PDE6A: variants seen among roughly 807,000 people sequenced by gnomAD.
PDE6A encodes rod cGMP-specific 3',5'-cyclic phosphodiesterase subunit alpha.
In PDE6A, 84 loss-of-function variants were observed where a neutral mutation model predicts 106.3. That is an observed-to-expected ratio of 0.79 (90% CI 0.66 to 0.95). The LOEUF (loss-of-function observed/expected upper bound fraction) is 0.95. PDE6A is among the 40% of genes least tolerant of loss of function. PDE6A has a pLI of 0.00. For missense variants in PDE6A, 1,052 were observed against 1,084.9 expected, an observed-to-expected ratio of 0.97 and a Z score of 0.43; for synonymous variants, 394 against 386.6, an observed-to-expected ratio of 1.02 and a Z score of -0.23.
At chr5:149,926,248 A>C (rs1581205856) in intron 4 of PDE6A, among the ~76,000 whole-genome samples, 1 of 152,332 alleles carries the variant, frequency 6.6e-6, no homozygotes, top group Non-Finnish European at 1.5e-5. Context: ...GTCTTGAAAA[A>C]AAAATTAATT....
intron 3 of PDE6A, chr5:149,932,258 G>A: frequency 7.1e-7 from 1 of 1,418,386 alleles, no homozygotes; most frequent in South Asian, 1.1e-5. Context: ...GTCCATTTTG[G>A]CGAACAGCAG....
chr5:149,927,533 C>T (rs1285559821), intron 4 of PDE6A, among the ~76,000 whole-genome samples: 1 of 152,076 alleles, frequency 6.6e-6, no homozygotes, highest in Non-Finnish European at 1.5e-5. Flanking sequence ...CTACCGCAGC[C>T]TCTTGAGTAG....
rs1203056689 is a variant in PDE6A, at chr5:149,860,342, G to C, written c.*553C>G. ...CGTACAATTCTCTACTTTTGAAAATGATTGAAAATTTTTACAATACATTAA... is the reference window on the plus strand; with the variant it reads ...CGTACAATTCTCTACTTTTGAAAATCATTGAAAATTTTTACAATACATTAA... On this transcript the variant is annotated 3_prime_UTR_variant, in exon 22 of 22. Transcript: ENST00000255266. 2 of 152,372 alleles carry C rather than the reference G, an allele frequency of 1.3e-5. No homozygotes were observed. The highest frequency in any genetic ancestry group is 2.9e-5 in the Non-Finnish European group (2 of 68,154). The allele number at this position is 152,372 out of a possible 1,614,324, so 9.4% of individuals were successfully genotyped here. A position where few individuals can be genotyped will look rare whatever the true frequency, so the allele number is the denominator to read the frequency against.
intron 4 of PDE6A, among the ~76,000 whole-genome samples, chr5:149,923,062 A>G (rs997733321): frequency 6.6e-6 from 1 of 152,226 alleles, no homozygotes; most frequent in Admixed American, 6.5e-5. Flanking sequence ...TGTTATTTCT[A>G]TACTTTACTT....
At chr5:149,907,007 G>A (rs562964633) in intron 7 of PDE6A, among the ~76,000 whole-genome samples, 2 of 152,260 alleles carry the variant, frequency 1.3e-5, no homozygotes, top group South Asian at 4.1e-4. Flanking sequence ...CCTGACCTCA[G>A]GTGATCCACC....
At chr5:149,933,515 A>G (rs1482357391) in intron 3 of PDE6A, among the ~76,000 whole-genome samples, 3 of 152,108 alleles carry the variant, frequency 2.0e-5, no homozygotes, top group Non-Finnish European at 2.9e-5. Flanking sequence ...TTTCCCTTTC[A>G]TTTATCTCAT....
intron 6 of PDE6A, among the ~76,000 whole-genome samples, chr5:149,912,703 T>C (rs1205575835): frequency 3.9e-5 from 6 of 152,158 alleles, no homozygotes; most frequent in Non-Finnish European, 1.5e-5. Context: ...AGTGCACCCA[T>C]ACTGGGATGG....
At chr5:149,874,309 GAC>G (rs1436118621) in intron 17 of PDE6A, among the ~76,000 whole-genome samples, 8 of 152,190 alleles carry the variant, frequency 5.3e-5, no homozygotes, top group African/African-American at 1.7e-4. Context: ...CCTTCTGTCT[GAC>G]TTGGCAACAA....
intron 16 of PDE6A, 70 bp from the exon 17 acceptor site, chr5:149,883,606 G>T: frequency 2.0e-6 from 2 of 1,017,638 alleles, no homozygotes; most frequent in Non-Finnish European, 3.1e-6. Flanking sequence ...TGCTAACATT[G>T]GCTGATTCAG....
intron 1 of PDE6A, among the ~76,000 whole-genome samples, chr5:149,936,731 CAGA>C (rs1561788547): frequency 6.6e-6 from 1 of 152,134 alleles, no homozygotes. Context: ...TTATCAAAGG[CAGA>C]AGGAGACTTA....
chr5:149,927,187 A>C (rs1263815656), intron 4 of PDE6A, among the ~76,000 whole-genome samples: 2 of 152,130 alleles, frequency 1.3e-5, no homozygotes, highest in Admixed American at 1.3e-4. Context: ...AACATAAAAA[A>C]CACAGTAAAA....
intron 17 of PDE6A, among the ~76,000 whole-genome samples, chr5:149,871,777 C>T (rs1463966465): frequency 1.3e-5 from 2 of 152,140 alleles, no homozygotes; most frequent in African/African-American, 4.8e-5. Context: ...TCACAGAAAT[C>T]ACTGTGGCTT....
chr5:149,929,142 C>T (rs72830297), intron 4 of PDE6A, among the ~76,000 whole-genome samples: 3,735 of 152,194 alleles, frequency 0.025, 77 homozygotes, highest in Non-Finnish European at 0.036. Flanking sequence ...AAGGGCACAA[C>T]TGTGTACTAG....
Position 149,926,835 on chromosome 5 carries a change from G to A in PDE6A, c.858+4193C>T, listed in dbSNP as rs569828338. On this transcript the variant is annotated intron_variant, in intron 4 of 21. Transcript: ENST00000255266. ...TCTACTAAAAACACAAAAATTAGCT[G>A]GGTGTGGTGGTGGGGGCCTGTAATC... Among the ~76,000 whole-genome samples, 4 of 152,154 alleles carry A rather than the reference G, an allele frequency of 2.6e-5. No individual in the cohort carries two copies. The South Asian group carries it at 8.3e-4, about 32-fold the overall frequency.
chr5:149,872,225 T>A (rs1394171362), intron 17 of PDE6A, among the ~76,000 whole-genome samples: 2 of 152,186 alleles, frequency 1.3e-5, no homozygotes, highest in Non-Finnish European at 2.9e-5. Context: ...TGAGTCCCAG[T>A]CTGTTCGTTT....
intron 4 of PDE6A, among the ~76,000 whole-genome samples, chr5:149,928,208 GCTATATATAT>G (rs1227025243): frequency 3.5e-5 from 2 of 57,728 alleles, no homozygotes; most frequent in South Asian, 1.0e-3. Flanking sequence ...AATTGTATGT[GCTATATATAT>G]ATATATATAT....
chr5:149,928,208 G>GATATATAT (rs1228867964), intron 4 of PDE6A, among the ~76,000 whole-genome samples: 89 of 57,716 alleles, frequency 1.5e-3, no homozygotes, highest in African/African-American at 2.4e-3. Flanking sequence ...AATTGTATGT[G>GATATATAT]CTATATATAT....
intron 17 of PDE6A, 125 bp from the exon 18 acceptor site, chr5:149,868,283 G>A: frequency 1.1e-6 from 1 of 907,916 alleles, no homozygotes; most frequent in Non-Finnish European, 1.8e-6. Context: ...GTGAGGAAAG[G>A]GCTCACCCCC....
At position 149,883,463 on chromosome 5, in the gene PDE6A, T is replaced by G. The variant is rs767678078; in HGVS notation, c.2101A>C (p.Met701Leu). Residue 701 changes from methionine (M) to leucine (L), a missense_variant, in exon 17 of 22, where the codon ATG (methionine) becomes CTG (leucine). This residue lies in a region of PDE6A where 913 missense variants were observed against 915.2 expected (regional missense o/e 1.00). Transcript: ENST00000255266. Reference protein sequence around the residue: ...YESEQEWTQYMMLEQTRKEIV... With the variant: ...YESEQEWTQYLMLEQTRKEIV... ...TCCTTCCGTGTCTGCTCCAGCATCA[T>G]GTACTGTGTCCACTCCTGTTCACTC... The G allele has an allele frequency of 1.9e-6, 3 of 1,613,678 alleles. No homozygotes were observed. Among genetic ancestry groups the G allele is most frequent in the Non-Finnish European group, 2.5e-6 (3 of 1,179,574 alleles).
Sources: allele counts gnomAD v4.1 joint callset (sites outside exome capture counted in the v4.1 genomes callset), GRCh38; gene constraint gnomAD v4.1.1; regional missense constraint gnomAD v4.1.1; transcripts MANE v1.5; gene names NCBI Gene and HGNC (gene_info 2026-07-23, HGNC 2026-07-21).